Variants in NALF1 observed in about 807,000 individuals in gnomAD.
NALF1 encodes the protein NALCN channel auxiliary factor 1.
NALF1 carries 3 observed loss-of-function variants against 48.4 expected under a neutral mutation model. That is an observed-to-expected ratio of 0.06 (90% CI 0.03 to 0.16). NALF1 has a LOEUF of 0.16. Ranked by LOEUF, NALF1 falls within the 10% of genes least tolerant of loss-of-function variation. The pLI, the probability that NALF1 is intolerant of heterozygous loss-of-function variation, is 1.00. For missense variants in NALF1, 526 were observed against 571.5 expected (o/e 0.92, Z 0.81); for synonymous variants, 262 against 245.7 (o/e 1.07, Z -0.62).
chr13:107,813,551 A>C (rs1455305737), intron 1 of NALF1, among the ~76,000 whole-genome samples: 1 of 152,128 alleles, frequency 6.6e-6, no homozygotes, highest in Non-Finnish European at 1.5e-5. Context: ...AATTATTATT[A>C]TATTACACAT....
At chr13:107,696,894 T>G (rs1024986797) in intron 1 of NALF1, among the ~76,000 whole-genome samples, 1 of 152,196 alleles carries the variant, frequency 6.6e-6, no homozygotes, top group Admixed American at 6.5e-5. Context: ...TCATATACAT[T>G]CTTACACGTA....
chr13:107,656,396 C>T (rs1436206128), intron 1 of NALF1, among the ~76,000 whole-genome samples: 2 of 151,996 alleles, frequency 1.3e-5, no homozygotes, highest in Non-Finnish European at 2.9e-5. Flanking sequence ...CATCAACAAA[C>T]ATATGGAAAA....
intron 2 of NALF1, among the ~76,000 whole-genome samples, chr13:107,203,674 C>T (rs568227457): frequency 6.6e-6 from 1 of 152,268 alleles, no homozygotes; most frequent in South Asian, 2.1e-4. Flanking sequence ...CAGTGGTTCC[C>T]TGGGGCAGCT....
chr13:107,593,642 A>G (rs1878658992), intron 1 of NALF1, among the ~76,000 whole-genome samples: 1 of 151,996 alleles, frequency 6.6e-6, no homozygotes, highest in Admixed American at 6.6e-5. Flanking sequence ...AGATCCTAGG[A>G]GTCAAACGAT....
chr13:107,344,931 C>G (rs986703053), intron 1 of NALF1, among the ~76,000 whole-genome samples: 1 of 152,046 alleles, frequency 6.6e-6, no homozygotes, highest in Non-Finnish European at 1.5e-5. Context: ...ATAAAAATCC[C>G]TAAAGATTCT....
intron 1 of NALF1, among the ~76,000 whole-genome samples, chr13:107,658,022 T>C (rs1880629736): frequency 6.6e-6 from 1 of 152,186 alleles, no homozygotes; most frequent in Non-Finnish European, 1.5e-5. Context: ...TAGTTATTTT[T>C]GGAGGCACTT....
intron 1 of NALF1, among the ~76,000 whole-genome samples, chr13:107,239,516 A>G (rs1057280216): frequency 6.6e-6 from 1 of 152,208 alleles, no homozygotes; most frequent in Non-Finnish European, 1.5e-5. Flanking sequence ...CAAAGATCCT[A>G]TTTCCAAACA....
At chr13:107,862,399 T>G (rs1217674687) in intron 1 of NALF1, among the ~76,000 whole-genome samples, 1 of 152,130 alleles carries the variant, frequency 6.6e-6, no homozygotes. Context: ...ACTTAAAAAT[T>G]TTGGTAGCTT....
intron 1 of NALF1, among the ~76,000 whole-genome samples, chr13:107,735,221 T>C (rs1415121618): frequency 6.6e-6 from 1 of 152,200 alleles, no homozygotes; most frequent in African/African-American, 2.4e-5. Flanking sequence ...TAAATTTCTG[T>C]TTTGTTAAGT....
intron 1 of NALF1, among the ~76,000 whole-genome samples, chr13:107,670,333 A>C (rs1205636381): frequency 6.6e-6 from 1 of 152,102 alleles, no homozygotes; most frequent in African/African-American, 2.4e-5. Flanking sequence ...CACACATACA[A>C]GAACTTAGGA....
intron 1 of NALF1, among the ~76,000 whole-genome samples, chr13:107,792,871 A>G (rs2138588735): frequency 6.6e-6 from 1 of 152,292 alleles, no homozygotes; most frequent in East Asian, 1.9e-4. Context: ...GTGCAGTGAC[A>G]AAATCATAGC....
intron 1 of NALF1, among the ~76,000 whole-genome samples, chr13:107,245,442 T>G (rs542945721): frequency 6.6e-6 from 1 of 152,358 alleles, no homozygotes; most frequent in East Asian, 1.9e-4. Flanking sequence ...CTCCAAGTTA[T>G]CTGGCTCAGC....
At chr13:107,669,439 G>C (rs1333499661) in intron 1 of NALF1, among the ~76,000 whole-genome samples, 1 of 152,104 alleles carries the variant, frequency 6.6e-6, no homozygotes, top group Non-Finnish European at 1.5e-5. Context: ...GGGAACACGT[G>C]ATTGTAAGCT....
chr13:107,426,835 A>G (rs1445047567), intron 1 of NALF1, among the ~76,000 whole-genome samples: 1 of 152,154 alleles, frequency 6.6e-6, no homozygotes, highest in Non-Finnish European at 1.5e-5. Flanking sequence ...GGAAAAACTC[A>G]ATTGATGGTA....
At chr13:107,622,903 T>C (rs1879565803) in intron 1 of NALF1, among the ~76,000 whole-genome samples, 2 of 152,328 alleles carry the variant, frequency 1.3e-5, no homozygotes, top group Admixed American at 6.5e-5. Flanking sequence ...AATACATTTA[T>C]ATGAAACCAT....
At chr13:107,454,749 C>G (rs1884797666) in intron 1 of NALF1, among the ~76,000 whole-genome samples, 4 of 152,150 alleles carry the variant, frequency 2.6e-5, no homozygotes, top group Non-Finnish European at 1.5e-5. Context: ...TTGTTTCTAC[C>G]TGAAACCAGC....
intron 1 of NALF1, among the ~76,000 whole-genome samples, chr13:107,278,626 A>G (rs1423146383): frequency 6.6e-6 from 1 of 152,226 alleles, no homozygotes; most frequent in Non-Finnish European, 1.5e-5. Flanking sequence ...TAGATGTCCA[A>G]TAAAGTAGCT....
intron 1 of NALF1, among the ~76,000 whole-genome samples, chr13:107,326,328 G>C (rs988781047): frequency 6.6e-6 from 1 of 152,104 alleles, no homozygotes. Context: ...GGTTTGAACA[G>C]AGCTTCTCGG....
intron 1 of NALF1, among the ~76,000 whole-genome samples, chr13:107,710,815 G>A (rs1198303819): frequency 3.7e-5 from 2 of 54,794 alleles, no homozygotes; most frequent in Non-Finnish European, 8.1e-5. Context: ...ACATATATGT[G>A]TATATATACA....
Sources: gnomAD v4.1 joint callset for allele counts (sites outside exome capture counted in the v4.1 genomes callset) on GRCh38, gnomAD v4.1.1 for gene constraint, MANE v1.5 for transcripts, NCBI Gene and HGNC (gene_info 2026-07-23, HGNC 2026-07-21) for gene names.